TMEM132B: variants seen among roughly 807,000 people sequenced by gnomAD.
The protein encoded by TMEM132B is transmembrane protein 132B.
In TMEM132B, 18 loss-of-function variants were observed where a neutral mutation model predicts 90.8. The ratio of observed to expected loss-of-function variants is 0.20; its 90% CI spans 0.14 to 0.29. The LOEUF (loss-of-function observed/expected upper bound fraction) is 0.29. Among genes scored for constraint, TMEM132B ranks in the 10% least tolerant of loss-of-function variants. The pLI, the probability that TMEM132B is intolerant of heterozygous loss-of-function variation, is 1.00. For missense variants in TMEM132B, 1,096 were observed against 1,326.8 expected (o/e 0.83, Z 2.70); for synonymous variants, 504 against 523.3 (o/e 0.96, Z 0.50).
chr12:125,507,691 G>A (rs1207689388), intron 3 of TMEM132B, among the ~76,000 whole-genome samples: 1 of 152,134 alleles, frequency 6.6e-6, no homozygotes, highest in Non-Finnish European at 1.5e-5. Flanking sequence ...GAGAGTGGGG[G>A]ACAAGTGTTT....
intron 2 of TMEM132B, 141 bp downstream of exon 2, chr12:125,350,484 A>G (rs1877534052): frequency 1.0e-5 from 10 of 999,224 alleles, no homozygotes; most frequent in Non-Finnish European, 1.5e-5. Context: ...GTGAAAACAG[A>G]TTTTATTCAG....
chr12:125,640,028 C>T (rs113106213), intron 5 of TMEM132B, among the ~76,000 whole-genome samples: 25 of 152,256 alleles, frequency 1.6e-4, no homozygotes, highest in Admixed American at 5.2e-4. Flanking sequence ...GTCTGGGCCA[C>T]GGCTGGCTCC....
chr12:125,401,602 T>C (rs1214750083), intron 2 of TMEM132B, among the ~76,000 whole-genome samples: 1 of 152,130 alleles, frequency 6.6e-6, no homozygotes, highest in Non-Finnish European at 1.5e-5. Flanking sequence ...CGAGAAGGAA[T>C]GTGCTGTTTT....
chr12:125,612,958 A>G (rs1188050681), intron 5 of TMEM132B, among the ~76,000 whole-genome samples: 1 of 1,296 alleles, frequency 7.7e-4, no homozygotes, highest in African/African-American at 2.6e-3. Context: ...TTTATATATT[A>G]AAAATATATA....
At chr12:125,599,298 G>T (rs1198879715) in intron 5 of TMEM132B, among the ~76,000 whole-genome samples, 1 of 152,180 alleles carries the variant, frequency 6.6e-6, no homozygotes, top group East Asian at 1.9e-4. Context: ...TGCCGTGATT[G>T]TGAGGCCTCC....
At chr12:125,628,015 A>G (rs1270637070) in intron 5 of TMEM132B, among the ~76,000 whole-genome samples, 1 of 151,934 alleles carries the variant, frequency 6.6e-6, no homozygotes, top group Non-Finnish European at 1.5e-5. Flanking sequence ...ATAGCTGAAT[A>G]GTACTCCATT....
intron 3 of TMEM132B, among the ~76,000 whole-genome samples, chr12:125,477,030 A>G (rs990609614): frequency 9.2e-5 from 14 of 152,256 alleles, no homozygotes; most frequent in African/African-American, 3.4e-4. Flanking sequence ...TGCTGAGTAT[A>G]CCTTAGTAGA....
At chr12:125,653,506 T>C in intron 8 of TMEM132B, 59 bp from the exon 9 acceptor site, 2 of 1,503,918 alleles carry the variant, frequency 1.3e-6, no homozygotes, top group Non-Finnish European at 1.8e-6. Flanking sequence ...ATTATACTTA[T>C]GTTTTCAAAT....
At chr12:125,337,206 T>C (rs534315676) in intron 1 of TMEM132B, among the ~76,000 whole-genome samples, 3 of 152,210 alleles carry the variant, frequency 2.0e-5, no homozygotes, top group South Asian at 2.1e-4. Flanking sequence ...CACTTTTTAG[T>C]AGGGATGGGA....
At chr12:125,431,669 C>T (rs979566050) in intron 3 of TMEM132B, among the ~76,000 whole-genome samples, 17 of 152,160 alleles carry the variant, frequency 1.1e-4, no homozygotes, top group African/African-American at 3.4e-4. Context: ...CCTTCCAGGA[C>T]GGTGGCTTTT....
chr12:125,268,646 A>T (rs1874751002), intron 1 of TMEM132B, among the ~76,000 whole-genome samples: 1 of 152,226 alleles, frequency 6.6e-6, no homozygotes, highest in African/African-American at 2.4e-5. Context: ...TATACACACG[A>T]TATTTTTGCA....
intron 1 of TMEM132B, among the ~76,000 whole-genome samples, chr12:125,252,219 G>A (rs913806374): frequency 3.3e-5 from 5 of 152,160 alleles, no homozygotes; most frequent in African/African-American, 1.2e-4. Flanking sequence ...CCTCAGGAAG[G>A]GCCCGGAGGA....
intron 2 of TMEM132B, among the ~76,000 whole-genome samples, chr12:125,355,938 C>T (rs865797690): frequency 6.6e-6 from 1 of 151,980 alleles, no homozygotes; most frequent in Non-Finnish European, 1.5e-5. Context: ...TTAGCACGTA[C>T]ATCTCACCCA....
chr12:125,293,466 T>A (rs1185389339), intron 1 of TMEM132B, among the ~76,000 whole-genome samples: 1 of 152,146 alleles, frequency 6.6e-6, no homozygotes, highest in African/African-American at 2.4e-5. Flanking sequence ...CTCCCTTGAA[T>A]AGGCCCCAGC....
chr12:125,198,614 A>T (rs1872982276), intron 1 of TMEM132B, among the ~76,000 whole-genome samples: 1 of 152,186 alleles, frequency 6.6e-6, no homozygotes, highest in African/African-American at 2.4e-5. Context: ...GATCGACCAT[A>T]CTTAAGTCCG....
At chr12:125,363,500 A>T (rs1878025937) in intron 2 of TMEM132B, among the ~76,000 whole-genome samples, 1 of 152,146 alleles carries the variant, frequency 6.6e-6, no homozygotes, top group South Asian at 2.1e-4. Context: ...ACCCTATGAG[A>T]TAGAGCTGGC....
rs371294684 is a variant in TMEM132B, at chr12:125,330,886, A to G, written c.68-18566A>G. The stretch of plus-strand genomic sequence containing the variant: ...GTGGGACCTCATCTCCACAAAAAAT[A>G]AAAATAAAAATTAGCACATCCTGTG... On this transcript the variant is annotated intron_variant, in intron 1 of 8. Coordinates refer to ENST00000682704, the MANE Select transcript of TMEM132B (RefSeq NM_001366854.1). Among the ~76,000 whole-genome samples, 79 of 152,358 alleles carry G rather than the reference A, an allele frequency of 5.2e-4. 1 individual carries two copies. The South Asian group carries it at 0.016, about 31-fold the overall frequency.
chr12:125,402,047 C>T (rs538543852), intron 2 of TMEM132B, among the ~76,000 whole-genome samples: 5 of 152,248 alleles, frequency 3.3e-5, no homozygotes, highest in Non-Finnish European at 5.9e-5. Flanking sequence ...AAAAAGGATC[C>T]GTTTAGCGGA....
chr12:125,613,783 G>A lies in TMEM132B; in HGVS notation c.1437+29789G>A, dbSNP rs141302508. Among the ~76,000 whole-genome samples the A allele has an allele frequency of 2.3e-3, 349 of 152,082 alleles. 3 individuals are homozygous for A. The highest frequency in any genetic ancestry group is 8.1e-3 in the African/African-American group (336 of 41,528). On this transcript the variant is annotated intron_variant, in intron 5 of 8. Coordinates refer to ENST00000682704, the MANE Select transcript of TMEM132B (RefSeq NM_001366854.1). ...ATAATTAGACTTTATATAATGTTATGTCTCAGAAGCATAGAGAAGAGGTAG... is the reference window on the plus strand; with the variant it reads ...ATAATTAGACTTTATATAATGTTATATCTCAGAAGCATAGAGAAGAGGTAG...
Sources: allele counts gnomAD v4.1 joint callset (sites outside exome capture counted in the v4.1 genomes callset), GRCh38; gene constraint gnomAD v4.1.1; transcripts MANE v1.5; gene names NCBI Gene and HGNC (gene_info 2026-07-23, HGNC 2026-07-21).